RBFOX1: variants seen among roughly 807,000 people sequenced by gnomAD.
RBFOX1 encodes RNA binding fox-1 homolog 1.
RBFOX1 carries 8 observed loss-of-function variants against 57.7 expected under a neutral mutation model. The observed-to-expected ratio is 0.14, with a 90% confidence interval of 0.08 to 0.25. The LOEUF (loss-of-function observed/expected upper bound fraction) is 0.25. Among genes scored for constraint, RBFOX1 ranks in the 10% least tolerant of loss-of-function variants. The pLI, the probability that RBFOX1 is intolerant of heterozygous loss-of-function variation, is 1.00. For synonymous variants in RBFOX1, 326 were observed against 222.4 expected, an observed-to-expected ratio of 1.47 and a Z score of -4.15; for missense variants, 611 against 548.5, an observed-to-expected ratio of 1.11 and a Z score of -1.14.
chr16:6,709,345 T>C (rs1239844636), intron 3 of RBFOX1, among the ~76,000 whole-genome samples: 2 of 152,210 alleles, frequency 1.3e-5, no homozygotes, highest in Non-Finnish European at 2.9e-5. Context: ...GGTTTCATTT[T>C]GCTCTTGATT....
chr16:5,482,979 C>G (rs1412946433), intron 2 of RBFOX1, among the ~76,000 whole-genome samples: 1 of 152,182 alleles, frequency 6.6e-6, no homozygotes, highest in Non-Finnish European at 1.5e-5. Flanking sequence ...TTTGAATTTT[C>G]TCTGAATAGG....
At chr16:7,698,183 G>GGGGTGTGTGT (rs1355248429) in intron 14 of RBFOX1, among the ~76,000 whole-genome samples, 5 of 136,212 alleles carry the variant, frequency 3.7e-5, no homozygotes, top group East Asian at 2.6e-4. Flanking sequence ...AGTCCAAGAG[G>GGGGTGTGTGT]GTGTGTGTGT....
chr16:7,351,734 C>T lies in RBFOX1; in HGVS notation c.28-166413C>T, dbSNP rs1176879275. Among the ~76,000 whole-genome samples, 4 of 152,172 alleles carry T rather than the reference C, an allele frequency of 2.6e-5. No homozygotes were observed. In the East Asian group the frequency reaches 7.7e-4, roughly 29 times the overall value. On this transcript the variant is annotated intron_variant, in intron 4 of 15. Coordinates refer to ENST00000550418, the MANE Select transcript of RBFOX1 (RefSeq NM_018723.4). ...CCCATGCCCTAAATACCCATGTCCA[C>T]AGGGAGCAGCTGACTTACTGTGGTA...
intron 3 of RBFOX1, among the ~76,000 whole-genome samples, chr16:5,657,493 A>T (rs1052685748): frequency 6.6e-6 from 1 of 152,140 alleles, no homozygotes; most frequent in Non-Finnish European, 1.5e-5. Flanking sequence ...GCCCGACTCT[A>T]GGGTTTAAAG....
chr16:5,658,677 C>T (rs2049535868), intron 3 of RBFOX1, among the ~76,000 whole-genome samples: 3 of 151,324 alleles, frequency 2.0e-5, no homozygotes. Flanking sequence ...GCTGTGAATG[C>T]CATTAATTCA....
chr16:6,847,703 A>C, intron 3 of RBFOX1, among the ~76,000 whole-genome samples: 1 of 152,296 alleles, frequency 6.6e-6, no homozygotes, highest in South Asian at 2.1e-4. Context: ...AGTGATCGTC[A>C]GGATTAGAGC....
At chr16:6,972,992 A>G (rs1233011033) in intron 3 of RBFOX1, among the ~76,000 whole-genome samples, 1 of 152,110 alleles carries the variant, frequency 6.6e-6, no homozygotes, top group Non-Finnish European at 1.5e-5. Flanking sequence ...TTAGCCCAGC[A>G]CGGTGGTAGG....
At chr16:7,119,646 C>T (rs2066675672) in intron 4 of RBFOX1, among the ~76,000 whole-genome samples, 1 of 151,524 alleles carries the variant, frequency 6.6e-6, no homozygotes, top group Admixed American at 6.6e-5. Context: ...GGCCAAGTCA[C>T]CAAAAAGACA....
chr16:6,456,939 T>C (rs143581529), intron 2 of RBFOX1, among the ~76,000 whole-genome samples: 324 of 152,228 alleles, frequency 2.1e-3, no homozygotes, highest in African/African-American at 7.1e-3. Context: ...TATTAACTTG[T>C]AGGTATGATG....
At chr16:5,676,737 C>G (rs1194678608) in intron 3 of RBFOX1, among the ~76,000 whole-genome samples, 1 of 152,136 alleles carries the variant, frequency 6.6e-6, no homozygotes, top group African/African-American at 2.4e-5. Flanking sequence ...CAGCACATGC[C>G]TGCAATTCCA....
At chr16:7,116,255 C>G (rs931082825) in intron 4 of RBFOX1, among the ~76,000 whole-genome samples, 6 of 152,100 alleles carry the variant, frequency 3.9e-5, no homozygotes, top group African/African-American at 1.2e-4. Flanking sequence ...ATGCAGTAAA[C>G]CAATCAAATC....
chr16:6,225,344 G>A (rs2097408563), intron 1 of RBFOX1, among the ~76,000 whole-genome samples: 1 of 152,104 alleles, frequency 6.6e-6, no homozygotes, highest in Admixed American at 6.6e-5. Flanking sequence ...TCTAAAAAAT[G>A]TGCCCACATC....
intron 2 of RBFOX1, among the ~76,000 whole-genome samples, chr16:6,362,452 G>T (rs1168671158): frequency 1.3e-5 from 2 of 152,156 alleles, no homozygotes; most frequent in Non-Finnish European, 2.9e-5. Context: ...CTTAGGCAAG[G>T]TGCTAAATTT....
At position 6,866,390 on chromosome 16, in the gene RBFOX1, A is replaced by G. The variant is rs149078242; in HGVS notation, c.-15-185667A>G. ...GTTGATGGGTCTAATAAAGAAGAAAAAAAATCAAACCTTATCCATCATCTC... is the reference window on the plus strand; with the variant it reads ...GTTGATGGGTCTAATAAAGAAGAAAGAAAATCAAACCTTATCCATCATCTC... On this transcript the variant is annotated intron_variant, in intron 3 of 15. Coordinates refer to ENST00000550418, the MANE Select transcript of RBFOX1 (RefSeq NM_018723.4). Among the ~76,000 whole-genome samples the G allele has an allele frequency of 1.1e-4, 17 of 152,118 alleles. No homozygotes were observed. In the East Asian group the frequency reaches 1.5e-3, roughly 14 times the overall value.
chr16:5,925,712 A>C (rs1307710967), intron 4 of RBFOX1, among the ~76,000 whole-genome samples: 1 of 152,182 alleles, frequency 6.6e-6, no homozygotes, highest in Non-Finnish European at 1.5e-5. Context: ...ATATAGAATT[A>C]CCTAAAACTG....
chr16:6,448,108 A>T lies in RBFOX1; in HGVS notation c.-64+131051A>T, dbSNP rs189409062. 2.1e-3 allele frequency among the ~76,000 whole-genome samples: 316 copies of T among 149,608 alleles called. 1 individual carries two copies. Among genetic ancestry groups the T allele is most frequent in the Non-Finnish European group, 3.9e-3 (266 of 67,398 alleles). On this transcript the variant is annotated intron_variant, in intron 2 of 15. Transcript: ENST00000550418. ...ATGTTTGTTCGTTTGGTTTTTTTAT[A>T]ACATATAACTGATCAGACATTTTTC...
intron 1 of RBFOX1, among the ~76,000 whole-genome samples, chr16:6,096,730 G>A (rs879499722): frequency 1.3e-5 from 2 of 152,112 alleles, no homozygotes; most frequent in Admixed American, 6.6e-5. Flanking sequence ...TTGTCACTAC[G>A]AAATAAAGGA....
intron 3 of RBFOX1, among the ~76,000 whole-genome samples, chr16:6,733,237 A>T (rs1391014088): frequency 1.3e-5 from 2 of 152,194 alleles, no homozygotes; most frequent in African/African-American, 4.8e-5. Flanking sequence ...AGCCCTGGCA[A>T]ACTCCCTTTT....
intron 1 of RBFOX1, among the ~76,000 whole-genome samples, chr16:6,219,109 G>A (rs2097355079): frequency 6.6e-6 from 1 of 152,182 alleles, no homozygotes; most frequent in Non-Finnish European, 1.5e-5. Context: ...TAAATTGAGA[G>A]CAAAGGTCAC....
Sources: allele counts gnomAD v4.1 joint callset (sites outside exome capture counted in the v4.1 genomes callset), GRCh38; gene constraint gnomAD v4.1.1; transcripts MANE v1.5; gene names NCBI Gene and HGNC (gene_info 2026-07-23, HGNC 2026-07-21).